The following DAB1 variants were observed in gnomAD, a reference collection of about 807,000 sequenced individuals.
DAB1 encodes disabled homolog 1.
Under a neutral mutation model 64.6 loss-of-function variants are expected in DAB1, and 15 were observed. The observed-to-expected ratio is 0.23, with a 90% CI of 0.16 to 0.36. The LOEUF is 0.36. DAB1 is among the 10% of genes least tolerant of loss of function. The probability of loss-of-function intolerance (pLI) is 1.00; values close to 1 mark genes in which losing one functional copy is unlikely to be tolerated. For synonymous variants in DAB1, 235 were observed against 251.9 expected (o/e 0.93, Z 0.64); for missense variants, 596 against 706.7 (o/e 0.84, Z 1.78).
intron 2 of DAB1, among the ~76,000 whole-genome samples, chr1:58,508,254 A>G (rs1569914647): frequency 6.6e-6 from 1 of 152,204 alleles, no homozygotes; most frequent in East Asian, 1.9e-4. Flanking sequence ...AAGAGCCACT[A>G]AAGTCAGATA....
intron 7 of DAB1, chr1:57,070,721 C>T (rs1651369867): frequency 5.1e-6 from 2 of 388,538 alleles, no homozygotes; most frequent in African/African-American, 4.1e-5. Flanking sequence ...TCAGAATATT[C>T]AAGAGACTCT....
chr1:57,670,784 A>T (rs1056305517), intron 6 of DAB1, among the ~76,000 whole-genome samples: 2 of 152,112 alleles, frequency 1.3e-5, no homozygotes, highest in Admixed American at 6.6e-5. Flanking sequence ...ATGAAGAAAT[A>T]CTTTCAGGGA....
intron 2 of DAB1, among the ~76,000 whole-genome samples, chr1:57,245,001 T>C (rs982593735): frequency 6.6e-6 from 1 of 152,180 alleles, no homozygotes; most frequent in African/African-American, 2.4e-5. Flanking sequence ...GGGTAGAGGT[T>C]GGAACAGTTT....
At chr1:57,576,190 G>A (rs554390458) in intron 7 of DAB1, among the ~76,000 whole-genome samples, 26 of 151,960 alleles carry the variant, frequency 1.7e-4, no homozygotes, top group Middle Eastern at 3.4e-3. Context: ...AACTAGAATT[G>A]TGTTAGATGA....
chr1:57,238,764 A>G (rs377081767), intron 2 of DAB1, among the ~76,000 whole-genome samples: 4 of 152,008 alleles, frequency 2.6e-5, no homozygotes, highest in African/African-American at 9.7e-5. Context: ...AAATAGTTCT[A>G]TAGTACTGGG....
At chr1:57,965,389 G>A (rs1282126022) in intron 5 of DAB1, among the ~76,000 whole-genome samples, 1 of 152,148 alleles carries the variant, frequency 6.6e-6, no homozygotes, top group African/African-American at 2.4e-5. Context: ...CCACCTCATA[G>A]GGGTATCACT....
At chr1:58,255,205 A>C (rs1286365757) in intron 4 of DAB1, among the ~76,000 whole-genome samples, 2 of 148,234 alleles carry the variant, frequency 1.3e-5, no homozygotes, top group East Asian at 2.0e-4. Flanking sequence ...TCTTCTTTTG[A>C]GAAGTGTCTG....
At chr1:57,393,147 G>A (rs1407098314) in intron 1 of DAB1, among the ~76,000 whole-genome samples, 5 of 152,100 alleles carry the variant, frequency 3.3e-5, no homozygotes, top group African/African-American at 1.2e-4. Context: ...TGTGACCTGA[G>A]CAAGCTAATT....
At chr1:57,442,966 T>C (rs558503446) in intron 7 of DAB1, among the ~76,000 whole-genome samples, 2 of 152,332 alleles carry the variant, frequency 1.3e-5, no homozygotes, top group African/African-American at 4.8e-5. Flanking sequence ...CTTCTACTCT[T>C]TCTCCCATTA....
At chr1:58,299,053 A>T (rs911415448) in intron 4 of DAB1, among the ~76,000 whole-genome samples, 14 of 152,186 alleles carry the variant, frequency 9.2e-5, no homozygotes, top group African/African-American at 3.4e-4. Flanking sequence ...CAACAGCCCA[A>T]GTCATCTGAG....
chr1:57,878,096 C>A lies in DAB1; in HGVS notation n.87+5903G>T, dbSNP rs368318347. On this transcript the variant is annotated intron_variant and non_coding_transcript_variant, in intron 1 of 1. Transcript: ENST00000477280. ...TTGTATATAAAGCTCTGAAGCCTAT[C>A]TTTATGTCCATATGTCAATAACAAC... Among the ~76,000 whole-genome samples the A allele has an allele frequency of 3.4e-4, 52 of 152,218 alleles. 2 individuals carry two copies. The South Asian group carries it at 0.01, about 30-fold the overall frequency.
rs547720764 is a variant in DAB1 at position 57,638,939 on chromosome 1, A to G, written n.625+10653T>C. The stretch of plus-strand genomic sequence containing the variant: ...GGCCAGGAACTTTATAAAGTTCTTC[A>G]TAAAGAACTTTAGTAAATAACTTTA... On this transcript the variant is annotated intron_variant and non_coding_transcript_variant, in intron 7 of 20. Coordinates refer to the DAB1 transcript ENST00000485760. Among the ~76,000 whole-genome samples the G allele has an allele frequency of 2.2e-4, 34 of 151,558 alleles. 1 individual carries two copies. Among genetic ancestry groups the G allele is most frequent in the Admixed American group, 5.3e-4 (8 of 15,208 alleles).
chr1:57,898,913 T>C (rs1644432754), intron 5 of DAB1, among the ~76,000 whole-genome samples: 1 of 152,156 alleles, frequency 6.6e-6, no homozygotes, highest in Non-Finnish European at 1.5e-5. Context: ...AGTAAACAAA[T>C]TCAATCTTTT....
At chr1:58,217,234 C>T (rs1570496667) in intron 4 of DAB1, among the ~76,000 whole-genome samples, 1 of 152,206 alleles carries the variant, frequency 6.6e-6, no homozygotes, top group Non-Finnish European at 1.5e-5. Flanking sequence ...TCCAAGTCTA[C>T]TTGGCTCCAA....
At chr1:57,353,440 C>A (rs941859848) in intron 1 of DAB1, among the ~76,000 whole-genome samples, 2 of 152,112 alleles carry the variant, frequency 1.3e-5, no homozygotes, top group South Asian at 2.1e-4. Context: ...AATGGCAAGT[C>A]TTTTGTACAA....
chr1:57,907,673 A>G (rs1446942927), intron 5 of DAB1, among the ~76,000 whole-genome samples: 1 of 152,098 alleles, frequency 6.6e-6, no homozygotes, highest in African/African-American at 2.4e-5. Context: ...AGTTGGCAGC[A>G]TCAGTAGCAG....
intron 10 of DAB1, among the ~76,000 whole-genome samples, chr1:57,025,591 T>C (rs1646759041): frequency 6.6e-6 from 1 of 152,128 alleles, no homozygotes; most frequent in South Asian, 2.1e-4. Flanking sequence ...TGCTGACAAA[T>C]GCCTCATCAT....
At chr1:57,066,394 G>A (rs921814258) in intron 8 of DAB1, among the ~76,000 whole-genome samples, 1 of 152,158 alleles carries the variant, frequency 6.6e-6, no homozygotes, top group Non-Finnish European at 1.5e-5. Context: ...GTGTAAAAAT[G>A]TTTTGTATTG....
chr1:57,878,922 G>A (rs1215231174), intron 1 of DAB1: 12 of 152,120 alleles, frequency 7.9e-5, no homozygotes, highest in Non-Finnish European at 1.8e-4. Context: ...AAGAACATGT[G>A]ATGTTTGTCT....
Sources: allele counts gnomAD v4.1 joint callset (sites outside exome capture counted in the v4.1 genomes callset), GRCh38; gene constraint gnomAD v4.1.1; transcripts MANE v1.5; gene names NCBI Gene and HGNC (gene_info 2026-07-23, HGNC 2026-07-21).